Variants in TMEM117 observed in about 807,000 individuals in gnomAD.
TMEM117 encodes transmembrane protein 117.
Under a neutral mutation model 52.4 loss-of-function variants are expected in TMEM117, and 27 were observed. The ratio of observed to expected loss-of-function variants is 0.51; its 90% CI spans 0.38 to 0.71. The LOEUF is 0.71. Among genes scored for constraint, TMEM117 ranks in the 30% least tolerant of loss-of-function variants. The pLI is 0.00. For synonymous variants in TMEM117, 215 were observed against 206.3 expected (o/e 1.04, Z -0.36); for missense variants, 556 against 630.5 (o/e 0.88, Z 1.26).
At chr12:43,906,198 C>G (rs979851268) in intron 2 of TMEM117, among the ~76,000 whole-genome samples, 6 of 152,164 alleles carry the variant, frequency 3.9e-5, no homozygotes, top group African/African-American at 1.2e-4. Context: ...TGCTATGGCT[C>G]ATGCCTGAAA....
At chr12:44,209,318 A>T (rs925624075) in intron 4 of TMEM117, among the ~76,000 whole-genome samples, 1 of 151,842 alleles carries the variant, frequency 6.6e-6, no homozygotes. Context: ...TCTTCCCCTT[A>T]CTCCTTTTGA....
At chr12:43,820,201 G>A in the TMEM117 span, among the ~76,000 whole-genome samples, 1 of 152,002 alleles carries the variant, frequency 6.6e-6, no homozygotes. Context: ...CGGTTCAAGC[G>A]ATTCTCCTGC....
At chr12:44,050,452 C>T (rs570270195) in intron 3 of TMEM117, among the ~76,000 whole-genome samples, 1 of 152,314 alleles carries the variant, frequency 6.6e-6, no homozygotes, top group East Asian at 1.9e-4. Context: ...GCTGGGATTA[C>T]AGACATGAGA....
At chr12:44,152,742 T>C (rs1417414796) in intron 4 of TMEM117, among the ~76,000 whole-genome samples, 2 of 138,302 alleles carry the variant, frequency 1.4e-5, no homozygotes, top group South Asian at 2.1e-4. Flanking sequence ...TTTATATTTA[T>C]AATTATATTT....
At chr12:43,803,727 A>C in the TMEM117 span, among the ~76,000 whole-genome samples, 4 of 152,122 alleles carry the variant, frequency 2.6e-5, no homozygotes, top group Non-Finnish European at 2.9e-5. Flanking sequence ...TATGTAAACA[A>C]ATGCATATTT....
At chr12:44,017,886 G>C (rs1188174857) in intron 3 of TMEM117, among the ~76,000 whole-genome samples, 2 of 151,742 alleles carry the variant, frequency 1.3e-5, no homozygotes, top group Non-Finnish European at 2.9e-5. Context: ...TTTTTAAATA[G>C]ATCATTGAAA....
At chr12:44,204,455 A>C (rs1949537640) in intron 4 of TMEM117, among the ~76,000 whole-genome samples, 1 of 152,166 alleles carries the variant, frequency 6.6e-6, no homozygotes, top group Admixed American at 6.6e-5. Context: ...TATGTTCATG[A>C]ATAGGAAGAA....
At chr12:43,907,282 G>A (rs2137521407) in intron 2 of TMEM117, among the ~76,000 whole-genome samples, 1 of 151,786 alleles carries the variant, frequency 6.6e-6, no homozygotes, top group Middle Eastern at 3.4e-3. Context: ...TGCAGCCGAG[G>A]GTCCTGTCTG....
intron 2 of TMEM117, among the ~76,000 whole-genome samples, chr12:43,870,294 C>T (rs1292550613): frequency 6.7e-6 from 1 of 149,986 alleles, no homozygotes; most frequent in African/African-American, 2.5e-5. Context: ...GGAGTCTAGG[C>T]CTGTCGCCAG....
intron 4 of TMEM117, among the ~76,000 whole-genome samples, chr12:44,166,071 T>C (rs1948963257): frequency 6.6e-6 from 1 of 152,094 alleles, no homozygotes. Flanking sequence ...TAACGTGAAC[T>C]TTACAAACTG....
chr12:43,848,973 T>C (rs1943259788), intron 2 of TMEM117, among the ~76,000 whole-genome samples: 1 of 152,128 alleles, frequency 6.6e-6, no homozygotes, highest in Non-Finnish European at 1.5e-5. Context: ...TTTGTGGGTG[T>C]GGTCACATGA....
intron 4 of TMEM117, among the ~76,000 whole-genome samples, chr12:44,160,679 G>A (rs552549345): frequency 6.6e-6 from 1 of 152,228 alleles, no homozygotes; most frequent in South Asian, 2.1e-4. Flanking sequence ...GTGCATACCT[G>A]TAGTCCTAGC....
rs147716323 is a variant in TMEM117, at chr12:43,856,657, T to G, written c.277+11729T>G. Among the ~76,000 whole-genome samples the G allele has an allele frequency of 9.9e-3, 1,515 of 152,342 alleles. 12 individuals carry two copies. The highest frequency in any genetic ancestry group is 0.034 in the South Asian group (162 of 4,834). ...AGGCTTCTTTCATTCAGCATAATTT[T>G]GAAATTCATTCATGTTTTATGTATC... On this transcript the variant is annotated intron_variant, in intron 2 of 7. Coordinates refer to ENST00000266534, the MANE Select transcript of TMEM117 (RefSeq NM_032256.3).
chr12:44,187,991 A>G (rs1949300726), intron 4 of TMEM117, among the ~76,000 whole-genome samples: 1 of 152,180 alleles, frequency 6.6e-6, no homozygotes, highest in African/African-American at 2.4e-5. Flanking sequence ...AAGAGAATCC[A>G]ACCTGGTATT....
chr12:44,058,395 A>G (rs977778013), intron 3 of TMEM117, among the ~76,000 whole-genome samples: 6 of 152,198 alleles, frequency 3.9e-5, no homozygotes, highest in Admixed American at 3.9e-4. Context: ...AGGGATTGGT[A>G]GGTGATATTA....
intron 3 of TMEM117, among the ~76,000 whole-genome samples, chr12:44,028,657 A>G (rs943250341): frequency 2.6e-5 from 4 of 152,220 alleles, no homozygotes; most frequent in Admixed American, 2.6e-4. Flanking sequence ...AAAAAGAGGA[A>G]GCATGAATGA....
intron 2 of TMEM117, among the ~76,000 whole-genome samples, chr12:43,852,430 CA>C (rs34031222): frequency 5.3e-5 from 8 of 150,924 alleles, no homozygotes; most frequent in African/African-American, 2.0e-4. Flanking sequence ...GACTCCATCT[CA>C]AAAAAAAACA....
chr12:44,163,301 T>C (rs890403784), intron 4 of TMEM117, among the ~76,000 whole-genome samples: 3 of 152,244 alleles, frequency 2.0e-5, no homozygotes, highest in African/African-American at 7.2e-5. Flanking sequence ...GTCTACAAGA[T>C]GATCTCGTGA....
At chr12:44,063,361 A>G (rs1202110740) in intron 3 of TMEM117, among the ~76,000 whole-genome samples, 1 of 152,208 alleles carries the variant, frequency 6.6e-6, no homozygotes, top group Non-Finnish European at 1.5e-5. Context: ...GCTTTTTGAA[A>G]TGCGATCTCA....
Sources: gnomAD v4.1 joint callset for allele counts (sites outside exome capture counted in the v4.1 genomes callset) on GRCh38, gnomAD v4.1.1 for gene constraint, MANE v1.5 for transcripts, NCBI Gene and HGNC (gene_info 2026-07-23, HGNC 2026-07-21) for gene names.